Variants in PNPLA7 observed in about 807,000 individuals in gnomAD.
PNPLA7 encodes the protein patatin-like phospholipase domain-containing protein 7.
In PNPLA7, 153 loss-of-function variants were observed where a neutral mutation model predicts 161.7. The observed-to-expected ratio is 0.95, with a 90% confidence interval of 0.83 to 1.08. The LOEUF is 1.08. PNPLA7 is among the 50% of genes least tolerant of loss of function. The probability of loss-of-function intolerance (pLI) is 0.00; values close to 1 mark genes in which losing one functional copy is unlikely to be tolerated. For synonymous variants in PNPLA7, 809 were observed against 782.1 expected (o/e 1.03, Z -0.57); for missense variants, 1,739 against 1,856.6 (o/e 0.94, Z 1.16).
chr9:137,524,384 G>A lies in PNPLA7; in HGVS notation c.748-1527C>T, dbSNP rs1835194268. On this transcript the variant is annotated intron_variant, in intron 8 of 34. Coordinates refer to ENST00000406427, the MANE Select transcript of PNPLA7 (RefSeq NM_001098537.3). The surrounding 1 kb of genome is among the most constrained non-coding windows in gnomAD (Gnocchi z 4.4). Reference sequence around the variant, plus strand: ...GCGTCTGCCAGAGGCCTGTGCCTTGGCTCCTGAGTGCTGGCTGCCTCATGG... The same window carrying A: ...GCGTCTGCCAGAGGCCTGTGCCTTGACTCCTGAGTGCTGGCTGCCTCATGG... 6.6e-6 allele frequency among the ~76,000 whole-genome samples: 1 copy of A among 151,886 alleles called. No homozygotes were observed. The highest frequency in any genetic ancestry group is 2.4e-5 in the African/African-American group (1 of 41,310).
chr9:137,502,676 C>CGGGAGATGAGGGGGATGT (rs142985073), intron 14 of PNPLA7, among the ~76,000 whole-genome samples: 59 of 2,618 alleles, frequency 0.023, 9 homozygotes, highest in African/African-American at 0.036. Flanking sequence ...TCAGAGCCTT[C>CGGGAGATGAGGGGGATGT]GGGAGATGAG....
intron 25 of PNPLA7, among the ~76,000 whole-genome samples, chr9:137,470,126 T>C (rs1831643550): frequency 6.6e-6 from 1 of 151,808 alleles, no homozygotes; most frequent in Non-Finnish European, 1.5e-5. Flanking sequence ...TGGGCTCAAG[T>C]GATCCCCCTC....
chr9:137,479,712 C>T (rs925157298), intron 23 of PNPLA7: 274 of 985,288 alleles, frequency 2.8e-4, no homozygotes, highest in Non-Finnish European at 3.1e-4. Flanking sequence ...CTGGAGAACA[C>T]GAACAGGACT....
At chr9:137,525,505 CA>C (rs1391522758) in intron 8 of PNPLA7, among the ~76,000 whole-genome samples, 2 of 152,162 alleles carry the variant, frequency 1.3e-5, no homozygotes, top group Non-Finnish European at 2.9e-5. Context: ...GTCCACCGGA[CA>C]GGGGGCCCTT....
At chr9:137,512,123 G>A (rs921686653) in intron 12 of PNPLA7, among the ~76,000 whole-genome samples, 3 of 152,130 alleles carry the variant, frequency 2.0e-5, no homozygotes, top group African/African-American at 4.8e-5. Flanking sequence ...ACAATCTCTC[G>A]TCTTTGCACA....
chr9:137,540,864 G>C lies in PNPLA7; in HGVS notation c.667-142C>G. ...ATGAGAGCAGCAGGCACCTTGGATGGAGGGCAGGGGACAAGATGGACCTGC... is the reference window on the plus strand; with the variant it reads ...ATGAGAGCAGCAGGCACCTTGGATGCAGGGCAGGGGACAAGATGGACCTGC... On this transcript the variant is annotated intron_variant, in intron 7 of 34. Coordinates refer to ENST00000406427, the MANE Select transcript of PNPLA7 (RefSeq NM_001098537.3). This position sits in a 1 kb window ranked among gnomAD's most constrained non-coding sequence, Gnocchi z 5.1. The C allele has an allele frequency of 1.5e-6, 1 of 685,342 alleles. No individual in the cohort carries two copies. The highest frequency in any genetic ancestry group is 2.6e-6 in the Non-Finnish European group (1 of 389,868). The allele number at this position is 685,342 out of a possible 1,614,324, so 42.5% of individuals were successfully genotyped here.
chr9:137,544,693 C>A (rs1445523909), intron 4 of PNPLA7, among the ~76,000 whole-genome samples: 1 of 152,122 alleles, frequency 6.6e-6, no homozygotes, highest in Non-Finnish European at 1.5e-5. Flanking sequence ...GCCCAGGCTG[C>A]AGTGCAATGG....
In PNPLA7 at chr9:137,523,775, C is replaced by G. The variant is rs567981978; in HGVS notation, c.748-918G>C. ...CACAGTAGCTGGGGCTACAAGCGCC[C>G]GCCACCACGCCCGGCTAATTTGTTT... is the stretch of plus-strand genomic sequence containing the variant. On this transcript the variant is annotated intron_variant, in intron 8 of 34. Coordinates refer to ENST00000406427, the MANE Select transcript of PNPLA7 (RefSeq NM_001098537.3). The surrounding 1 kb of genome is among the most constrained non-coding windows in gnomAD (Gnocchi z 4.4). Among the ~76,000 whole-genome samples, 453 of 152,224 alleles carry G rather than the reference C, an allele frequency of 3.0e-3. 1 individual carries two copies. The highest frequency in any genetic ancestry group is 5.5e-3 in the Non-Finnish European group (372 of 68,008).
At position 137,543,771 on chromosome 9, in the gene PNPLA7, G is replaced by A. The variant is rs1481887299; in HGVS notation, c.318C>T (p.Pro106=). 6.2e-7 allele frequency: 1 copy of A among 1,613,868 alleles called. No homozygotes were observed. The highest frequency in any genetic ancestry group is 8.5e-7 in the Non-Finnish European group (1 of 1,179,966). The part of the protein sequence containing the change: ...PNTLVENTAL[P]RQRARKRTKV... The stretch of plus-strand genomic sequence containing the variant: ...TGGTCCTCTTCCTGGCCCGCTGCCG[G>A]GGCAGGGCAGTGTTCTCCACAAGGG... The change falls in exon 5 of 35, where the codon CCC becomes CCT. Residue 106 remains proline (P), a synonymous_variant. Coordinates refer to ENST00000406427, the MANE Select transcript of PNPLA7 (RefSeq NM_001098537.3). The surrounding 1 kb of genome is among the most constrained non-coding windows in gnomAD (Gnocchi z 6.9).
chr9:137,538,968 C>T (rs1364227815), intron 8 of PNPLA7, among the ~76,000 whole-genome samples: 3 of 152,204 alleles, frequency 2.0e-5, no homozygotes, highest in Non-Finnish European at 2.9e-5. Context: ...AGGAGAATTA[C>T]TTGAACCTGG....
At chr9:137,521,409 C>T (rs1834984992) in intron 10 of PNPLA7, among the ~76,000 whole-genome samples, 1 of 152,152 alleles carries the variant, frequency 6.6e-6, no homozygotes, top group African/African-American at 2.4e-5. Context: ...AACACAAGGC[C>T]CCAGGAGAAT....
intron 8 of PNPLA7, among the ~76,000 whole-genome samples, chr9:137,536,151 A>T (rs10867122): frequency 0.99 from 145,372 of 146,462 alleles, 72,146 homozygotes; most frequent in East Asian, 1. Context: ...AGACTCCATC[A>T]CAAAAAAAAA....
intron 8 of PNPLA7, among the ~76,000 whole-genome samples, chr9:137,525,852 T>C (rs1407693159): frequency 6.7e-6 from 1 of 149,986 alleles, no homozygotes; most frequent in African/African-American, 2.5e-5. Context: ...AGTGGGTGTC[T>C]TCCCAGGCAC....
chr9:137,496,308 T>C (rs1167765106), intron 18 of PNPLA7, among the ~76,000 whole-genome samples: 2 of 151,642 alleles, frequency 1.3e-5, no homozygotes, highest in Non-Finnish European at 2.9e-5. Context: ...GGTTTCTTCA[T>C]GTTGGTCAGG....
intron 32 of PNPLA7, 147 bp from the exon 33 acceptor site, chr9:137,461,767 C>A (rs1172008940): frequency 8.4e-7 from 1 of 1,189,968 alleles, no homozygotes. Flanking sequence ...CGGGGAGATG[C>A]GCAGTCCTGA....
intron 25 of PNPLA7, among the ~76,000 whole-genome samples, chr9:137,477,657 A>G (rs1396679005): frequency 6.6e-6 from 1 of 152,132 alleles, no homozygotes; most frequent in Non-Finnish European, 1.5e-5. Flanking sequence ...GTTGGCCAGG[A>G]TGGTCTCAAT....
chr9:137,505,907 G>T (rs1368054943), intron 13 of PNPLA7, 76 bp downstream of exon 13: 2 of 1,535,092 alleles, frequency 1.3e-6, no homozygotes, highest in Non-Finnish European at 1.8e-6. Flanking sequence ...AAAGCCGGCG[G>T]CGCCCCCAAT....
chr9:137,530,882 C>T (rs989264550), intron 8 of PNPLA7, among the ~76,000 whole-genome samples: 27 of 152,116 alleles, frequency 1.8e-4, no homozygotes, highest in African/African-American at 6.5e-4. Flanking sequence ...AAACGAGAAC[C>T]CAAACAAGGA....
At chr9:137,511,996 T>C (rs1318278006) in intron 12 of PNPLA7, among the ~76,000 whole-genome samples, 1 of 152,176 alleles carries the variant, frequency 6.6e-6, no homozygotes, top group Non-Finnish European at 1.5e-5. Flanking sequence ...TTGTATACAA[T>C]AAATAGCAGT....
Sources: gnomAD v4.1 joint callset for allele counts (sites outside exome capture counted in the v4.1 genomes callset) on GRCh38, gnomAD v4.1.1 for gene constraint, Gnocchi (gnomAD v3.1) non-coding constraint, MANE v1.5 for transcripts, NCBI Gene and HGNC (gene_info 2026-07-23, HGNC 2026-07-21) for gene names.